Variants in DCP1A observed in about 807,000 individuals in gnomAD.
DCP1A encodes the protein mRNA-decapping enzyme 1A.
DCP1A carries 20 observed loss-of-function variants against 58.0 expected under a neutral mutation model. The observed-to-expected ratio is 0.34, with a 90% CI of 0.24 to 0.50. DCP1A has a LOEUF of 0.50. Ranked by LOEUF, DCP1A falls within the 20% of genes least tolerant of loss-of-function variation. The pLI is 0.98. For synonymous variants in DCP1A, 285 were observed against 275.1 expected (o/e 1.04, Z -0.36); for missense variants, 613 against 712.2 (o/e 0.86, Z 1.59).
intron 3 of DCP1A, among the ~76,000 whole-genome samples, chr3:53,325,608 A>C (rs1228445392): frequency 6.6e-6 from 1 of 152,252 alleles, no homozygotes; most frequent in African/African-American, 2.4e-5. Context: ...CATTTTTTAT[A>C]TAGAAAAATG....
At chr3:53,298,915 G>C (rs1707221937) in intron 6 of DCP1A, among the ~76,000 whole-genome samples, 1 of 152,182 alleles carries the variant, frequency 6.6e-6, no homozygotes, top group African/African-American at 2.4e-5. Flanking sequence ...TGTGTTACAA[G>C]TGCCTATAAT....
chr3:53,306,931 C>CTT (rs1159787111), intron 5 of DCP1A, among the ~76,000 whole-genome samples: 1,573 of 101,548 alleles, frequency 0.015, no homozygotes, highest in Middle Eastern at 0.027. Context: ...CCAGGCTGTT[C>CTT]TTTTTTTTTT....
chr3:53,333,356 G>A (rs1439305328), intron 3 of DCP1A, among the ~76,000 whole-genome samples: 1 of 151,916 alleles, frequency 6.6e-6, no homozygotes, highest in Non-Finnish European at 1.5e-5. Context: ...ATCTTGGGCA[G>A]GCTGGTCTTG....
intron 5 of DCP1A, among the ~76,000 whole-genome samples, chr3:53,305,466 C>T (rs1553687934): frequency 1.3e-5 from 2 of 151,974 alleles, no homozygotes; most frequent in African/African-American, 4.8e-5. Context: ...TCTCTTGCCT[C>T]AGCCTCCTGA....
At chr3:53,305,244 T>C (rs1288719875) in intron 5 of DCP1A, among the ~76,000 whole-genome samples, 1 of 152,262 alleles carries the variant, frequency 6.6e-6, no homozygotes, top group African/African-American at 2.4e-5. Context: ...CGTGAGTGTT[T>C]AACCATTCAC....
In DCP1A at chr3:53,347,491, C is replaced by T; in HGVS notation, c.27G>A (p.Gln9=). 1 of 1,613,092 alleles carries T rather than the reference C, an allele frequency of 6.2e-7. No individual in the cohort carries two copies. The highest frequency in any genetic ancestry group is 8.5e-7 in the Non-Finnish European group (1 of 1,179,388). ...GCTTCAGGGCCGCTAGGCTCATCTC[C>T]TGCCCAGCTCGACTCAGCGCCTCCA... MEALSRAG[Q]EMSLAALKQH... Residue 9 remains glutamine (Q), a synonymous_variant, in exon 1 of 10, where the codon CAG becomes CAA. Transcript: ENST00000610213.
intron 3 of DCP1A, chr3:53,329,269 C>T (rs1283386000): frequency 7.5e-6 from 3 of 397,752 alleles, no homozygotes; most frequent in African/African-American, 6.2e-5. Context: ...ATTTCTTCTA[C>T]TAAAACTTTC....
chr3:53,343,821 C>T (rs931922690), intron 2 of DCP1A, among the ~76,000 whole-genome samples: 22 of 152,128 alleles, frequency 1.4e-4, no homozygotes, highest in African/African-American at 4.8e-4. Flanking sequence ...CCGTGTTAGC[C>T]AGGATGGTCT....
chr3:53,294,084 G>C (rs1707028181), intron 6 of DCP1A, among the ~76,000 whole-genome samples: 1 of 152,208 alleles, frequency 6.6e-6, no homozygotes, highest in Non-Finnish European at 1.5e-5. Context: ...TCAGAGGCTG[G>C]GTAGGAGGGT....
chr3:53,327,732 G>T (rs1455316354), intron 3 of DCP1A, among the ~76,000 whole-genome samples: 1 of 151,584 alleles, frequency 6.6e-6, no homozygotes, highest in African/African-American at 2.4e-5. Flanking sequence ...CAGAGGTTGC[G>T]GTGAGCTGAG....
chr3:53,338,207 A>T, intron 3 of DCP1A: 1 of 424,320 alleles, frequency 2.4e-6, no homozygotes, highest in Non-Finnish European at 4.8e-6. Context: ...TAACTCCAGA[A>T]TTTATAACCT....
intron 3 of DCP1A, among the ~76,000 whole-genome samples, chr3:53,321,419 A>G (rs1471818472): frequency 6.6e-6 from 1 of 152,226 alleles, no homozygotes; most frequent in Middle Eastern, 3.2e-3. Context: ...TCTCAGAGCT[A>G]TAAGTAAAAC....
chr3:53,290,987 C>T, intron 7 of DCP1A, 131 bp from the exon 8 acceptor site: 1 of 777,562 alleles, frequency 1.3e-6, no homozygotes, highest in Non-Finnish European at 2.1e-6. Context: ...CAGATATTAA[C>T]TAGTTCCTAG....
intron 3 of DCP1A, among the ~76,000 whole-genome samples, chr3:53,322,374 C>T (rs1381111183): frequency 3.3e-5 from 5 of 151,586 alleles, no homozygotes; most frequent in Non-Finnish European, 7.4e-5. Flanking sequence ...CTCTCTTGAA[C>T]TGGGAGGTGG....
chr3:53,293,151 T>C (rs368134235), intron 6 of DCP1A, among the ~76,000 whole-genome samples: 16 of 152,202 alleles, frequency 1.1e-4, no homozygotes, highest in African/African-American at 3.9e-4. Context: ...GAAATGACAC[T>C]AGAGGAGACA....
chr3:53,337,073 T>C (rs782811086), intron 3 of DCP1A, among the ~76,000 whole-genome samples: 2 of 152,124 alleles, frequency 1.3e-5, no homozygotes, highest in Non-Finnish European at 2.9e-5. Context: ...GGTTTCGCCG[T>C]GTTGGCCAGG....
At position 53,292,194 on chromosome 3, in the gene DCP1A, T is replaced by G. The variant is rs1553686099; in HGVS notation, c.1258A>C (p.Ser420Arg). 5.0e-6 allele frequency: 8 copies of G among 1,614,032 alleles called. No homozygotes were observed. In the South Asian group the frequency reaches 8.8e-5, roughly 18 times the overall value. The change falls in exon 7 of 10, where the codon AGC (serine) becomes CGC (arginine). Residue 420 changes from serine to arginine, a missense_variant. This residue lies in a region of DCP1A where 498 missense variants were observed against 556.7 expected (regional missense o/e 0.89). Transcript: ENST00000610213. The stretch of plus-strand genomic sequence containing the variant: ...AGCTGACCAGCTGCCGGAGAAAAGC[T>G]GGCTACCATTGCACCTTTCCCAAGT... ...QPLGKGAMVASFSPAAGQLAT... is the reference protein window; with the variant it reads ...QPLGKGAMVARFSPAAGQLAT...
intron 3 of DCP1A, among the ~76,000 whole-genome samples, chr3:53,337,021 C>A (rs1553692018): frequency 1.3e-5 from 2 of 151,942 alleles, no homozygotes; most frequent in African/African-American, 4.8e-5. Flanking sequence ...AGGCGTGCAC[C>A]ACCATGTCCG....
rs1221694921 is a variant in DCP1A at position 53,283,750 on chromosome 3, A to G, written c.*3830T>C. 1 of 152,242 alleles carries G rather than the reference A, an allele frequency of 6.6e-6. No individual in the cohort carries two copies. The highest frequency in any genetic ancestry group is 2.4e-5 in the African/African-American group (1 of 41,462). 9.4% of individuals were successfully genotyped at this position (152,242 alleles called of 1,614,324 possible). A position where few individuals can be genotyped will look rare whatever the true frequency, so the allele number is the denominator to read the frequency against. On this transcript the variant is annotated 3_prime_UTR_variant, in exon 10 of 10. Transcript: ENST00000610213. ...CATTTAGAACACATATTTTAAAAAC[A>G]TGTTTCTTAAGGAATCACACAGATA...
Sources: gnomAD v4.1 joint callset for allele counts (sites outside exome capture counted in the v4.1 genomes callset) on GRCh38, gnomAD v4.1.1 for gene constraint, gnomAD v4.1.1 regional missense constraint, MANE v1.5 for transcripts, NCBI Gene and HGNC (gene_info 2026-07-23, HGNC 2026-07-21) for gene names.